Variants in XPO7 observed in about 807,000 individuals in gnomAD.
XPO7 encodes exportin 7, also known as exportin-7.
In XPO7, 21 loss-of-function variants were observed where a neutral mutation model predicts 144.3. The observed-to-expected ratio is 0.15, with a 90% CI of 0.10 to 0.21. The LOEUF (loss-of-function observed/expected upper bound fraction) is 0.21. Ranked by LOEUF, XPO7 falls within the 10% of genes least tolerant of loss-of-function variation. XPO7 has a pLI of 1.00. For missense variants in XPO7, 808 were observed against 1,325.8 expected, an observed-to-expected ratio of 0.61 and a Z score of 6.06; for synonymous variants, 580 against 499.6, an observed-to-expected ratio of 1.16 and a Z score of -2.15.
At position 21,940,908 on chromosome 8, in the gene XPO7, A is replaced by AGT. The variant is rs563715724; in HGVS notation, c.18+21121_18+21122insTG. Among the ~76,000 whole-genome samples, 32 of 152,276 alleles carry AGT rather than the reference A, an allele frequency of 2.1e-4. 1 individual carries two copies. In the South Asian group the frequency reaches 6.4e-3, roughly 31 times the overall value. ...AGTTTTCAGGAAATACCCCAAACAG[A>AGT]GGTACATGCCGAATTATACCAAGCA... On this transcript the variant is annotated intron_variant, in intron 1 of 27. Transcript: ENST00000252512.
intron 1 of XPO7, among the ~76,000 whole-genome samples, chr8:21,922,943 C>G (rs1294346926): frequency 6.6e-6 from 1 of 152,196 alleles, no homozygotes; most frequent in East Asian, 1.9e-4. Context: ...ACCAGTGTAA[C>G]TCCAGGGAGT....
In XPO7 at chr8:21,999,529, C is replaced by G; in HGVS notation, c.2644-7C>G. On this transcript the variant is annotated splice_region_variant and splice_polypyrimidine_tract_variant and intron_variant, in intron 23 of 27. Transcript: ENST00000252512. ...AAGCTGATTTTCTTCCTCTTCCTCT[C>G]CCACAGGATTACCCCAAGCTCAGCC... 1.2e-6 allele frequency: 2 copies of G among 1,613,878 alleles called. No individual in the cohort carries two copies. Among genetic ancestry groups the G allele is most frequent in the Non-Finnish European group, 1.7e-6 (2 of 1,179,816 alleles).
At chr8:21,973,766 G>A (rs1812139096) in intron 5 of XPO7, among the ~76,000 whole-genome samples, 1 of 152,198 alleles carries the variant, frequency 6.6e-6, no homozygotes, top group Non-Finnish European at 1.5e-5. Flanking sequence ...TCCACATATT[G>A]AATGCCTACT....
chr8:21,992,502 C>T (rs1370985856), intron 19 of XPO7, among the ~76,000 whole-genome samples: 1 of 152,106 alleles, frequency 6.6e-6, no homozygotes, highest in Admixed American at 6.6e-5. Flanking sequence ...TTCTTTGACA[C>T]TTGAGTCACT....
chr8:21,950,988 C>A (rs182433172), intron 1 of XPO7, among the ~76,000 whole-genome samples: 1 of 151,698 alleles, frequency 6.6e-6, no homozygotes, highest in African/African-American at 2.4e-5. Flanking sequence ...ATTAGTTGGG[C>A]GCGGTAGTGC....
rs1812557088 is a variant in XPO7, at chr8:21,985,734, A to G, written c.1577+43A>G. On this transcript the variant is annotated intron_variant, in intron 13 of 27. Transcript: ENST00000252512. Reference sequence around the variant, plus strand: ...AAGCTCTCCACTCTGCCTTGCTGGCACTTCTCCACTCCCCGATAGGGTCCT... The same window carrying G: ...AAGCTCTCCACTCTGCCTTGCTGGCGCTTCTCCACTCCCCGATAGGGTCCT... 1.9e-6 allele frequency: 3 copies of G among 1,548,454 alleles called. No individual in the cohort carries two copies. The South Asian group carries it at 3.3e-5, about 17-fold the overall frequency.
chr8:21,926,776 A>G (rs1460447333), intron 1 of XPO7, among the ~76,000 whole-genome samples: 5 of 145,180 alleles, frequency 3.4e-5, no homozygotes, highest in Non-Finnish European at 7.4e-5. Flanking sequence ...TCTCAGTTGA[A>G]AAAAAATCTA....
At chr8:21,934,029 TG>T (rs2117254542) in intron 1 of XPO7, among the ~76,000 whole-genome samples, 1 of 152,252 alleles carries the variant, frequency 6.6e-6, no homozygotes, top group Non-Finnish European at 1.5e-5. Context: ...AACGAGAAAA[TG>T]TTTTTTTCAG....
At chr8:21,976,254 CAT>C (rs1415409221) in intron 6 of XPO7, 100 bp from the exon 7 acceptor site, 7 of 1,313,688 alleles carry the variant, frequency 5.3e-6, no homozygotes, top group Non-Finnish European at 7.5e-6. Context: ...ACTGTGCTAA[CAT>C]ATAGCCCTCC....
chr8:21,937,017 A>C (rs1450150763), intron 1 of XPO7, among the ~76,000 whole-genome samples: 1 of 152,208 alleles, frequency 6.6e-6, no homozygotes, highest in African/African-American at 2.4e-5. Context: ...CAACCTTTAG[A>C]TCACTCTTAA....
At chr8:21,943,212 C>T (rs1259933160) in intron 1 of XPO7, among the ~76,000 whole-genome samples, 2 of 152,144 alleles carry the variant, frequency 1.3e-5, no homozygotes, top group South Asian at 2.1e-4. Context: ...CCAGCACTCT[C>T]GGGTTAATTT....
At chr8:21,955,203 T>C (rs146529323) in intron 1 of XPO7, among the ~76,000 whole-genome samples, 1 of 145,796 alleles carries the variant, frequency 6.9e-6, no homozygotes, top group East Asian at 2.1e-4. Context: ...CTTTTAATAT[T>C]GTCCATGCAG....
chr8:21,951,672 C>T (rs1489062278), intron 1 of XPO7, among the ~76,000 whole-genome samples: 1 of 152,216 alleles, frequency 6.6e-6, no homozygotes, highest in Non-Finnish European at 1.5e-5. Flanking sequence ...TTATCAGCAT[C>T]TGGTCACACT....
At chr8:21,958,247 C>T (rs1225893846) in intron 1 of XPO7, among the ~76,000 whole-genome samples, 5 of 152,178 alleles carry the variant, frequency 3.3e-5, no homozygotes, top group African/African-American at 1.2e-4. Context: ...TCTGTAAAGT[C>T]ACCGAGAACA....
At chr8:21,963,844 C>G (rs959777732) in intron 1 of XPO7, among the ~76,000 whole-genome samples, 1 of 152,166 alleles carries the variant, frequency 6.6e-6, no homozygotes, top group East Asian at 1.9e-4. Context: ...GGCACCTTGT[C>G]AGACAAATTA....
intron 18 of XPO7, 158 bp from the exon 19 acceptor site, chr8:21,991,710 T>C: frequency 1.9e-6 from 1 of 525,446 alleles, no homozygotes; most frequent in Non-Finnish European, 3.3e-6. Flanking sequence ...TTTCTATATA[T>C]ACATGTTGCT....
At chr8:21,940,758 C>T (rs368791163) in intron 1 of XPO7, among the ~76,000 whole-genome samples, 1 of 152,030 alleles carries the variant, frequency 6.6e-6, no homozygotes, top group East Asian at 1.9e-4. Context: ...CATGAGCCAC[C>T]GTGCCTGGCC....
intron 17 of XPO7, 30 bp downstream of exon 17, chr8:21,990,437 C>G (rs1427183015): frequency 6.2e-7 from 1 of 1,610,884 alleles, no homozygotes; most frequent in Non-Finnish European, 8.5e-7. Context: ...TTTCCTGGCC[C>G]TCCTACCACC....
chr8:21,969,358 C>A, intron 2 of XPO7, 125 bp from the exon 3 acceptor site: 1 of 758,484 alleles, frequency 1.3e-6, no homozygotes, highest in Non-Finnish European at 2.1e-6. Flanking sequence ...CTCTAAAATC[C>A]AGAGGATCAA....
Sources: allele counts gnomAD v4.1 joint callset (sites outside exome capture counted in the v4.1 genomes callset), GRCh38; gene constraint gnomAD v4.1.1; transcripts MANE v1.5; gene names NCBI Gene and HGNC (gene_info 2026-07-23, HGNC 2026-07-21).